PLEKHG3: variants seen among roughly 807,000 people sequenced by gnomAD.
PLEKHG3 encodes the protein pleckstrin homology domain-containing family G member 3.
In PLEKHG3, 62 loss-of-function variants were observed where a neutral mutation model predicts 94.9. The ratio of observed to expected loss-of-function variants is 0.65; its 90% CI spans 0.53 to 0.81. The LOEUF is 0.81. PLEKHG3 is among the 30% of genes least tolerant of loss of function. The probability of loss-of-function intolerance (pLI) is 0.00; values close to 1 mark genes in which losing one functional copy is unlikely to be tolerated. For missense variants in PLEKHG3, 1,461 were observed against 1,619.3 expected (o/e 0.90, Z 1.68); for synonymous variants, 614 against 654.0 (o/e 0.94, Z 0.93).
At position 64,729,609 on chromosome 14, in the gene PLEKHG3, G is replaced by A. The variant is rs567835322; in HGVS notation, c.449+516G>A. ...CCTGCCTGGGACCACAGACTCCCCC[G>A]GGAAAGTGCACTGCTCTGGAGGGGC... On this transcript the variant is annotated intron_variant, in intron 3 of 16. Coordinates refer to ENST00000247226, the MANE Select transcript of PLEKHG3 (RefSeq NM_001308147.2). Among the ~76,000 whole-genome samples the A allele has an allele frequency of 5.3e-5, 8 of 152,248 alleles. 1 individual carries two copies. The highest frequency in any genetic ancestry group is 9.6e-5 in the African/African-American group (4 of 41,550).
At position 64,738,036 on chromosome 14, in the gene PLEKHG3, C is replaced by G. The variant is rs764009180; in HGVS notation, c.1404+661C>G. On this transcript the variant is annotated intron_variant, in intron 14 of 16. Coordinates refer to ENST00000247226, the MANE Select transcript of PLEKHG3 (RefSeq NM_001308147.2). This position sits in a 1 kb window ranked among gnomAD's most constrained non-coding sequence, Gnocchi z 4.8. Reference sequence around the variant, plus strand: ...GGCCTTTCAGGTCTCTCTGGAGGACCTGACAGGGCATGAAGGCAACGAGAA... The same window carrying G: ...GGCCTTTCAGGTCTCTCTGGAGGACGTGACAGGGCATGAAGGCAACGAGAA... 1 of 1,290,806 alleles carries G rather than the reference C, an allele frequency of 7.7e-7. No homozygotes were observed. Among genetic ancestry groups the G allele is most frequent in the Non-Finnish European group, 1.0e-6 (1 of 990,274 alleles). 80.0% of individuals were successfully genotyped at this position (1,290,806 alleles called of 1,614,324 possible). A position where few individuals can be genotyped will look rare whatever the true frequency, so the allele number is the denominator to read the frequency against.
chr14:64,731,836 G>C lies in PLEKHG3; in HGVS notation c.1125+30G>C. ...GGGGAAGGTGGGGCTCAGGGGCTAGGGAACAAGATGCCCAGGGGACACCTG... is the reference window on the plus strand; with the variant it reads ...GGGGAAGGTGGGGCTCAGGGGCTAGCGAACAAGATGCCCAGGGGACACCTG... On this transcript the variant is annotated intron_variant, in intron 9 of 16. Coordinates refer to ENST00000247226, the MANE Select transcript of PLEKHG3 (RefSeq NM_001308147.2). This position sits in a 1 kb window ranked among gnomAD's most constrained non-coding sequence, Gnocchi z 6.1. 2 of 1,492,364 alleles carry C rather than the reference G, an allele frequency of 1.3e-6. No individual in the cohort carries two copies. The highest frequency in any genetic ancestry group is 1.9e-6 in the Non-Finnish European group (2 of 1,070,358). The allele number at this position is 1,492,364 out of a possible 1,614,324, so 92.4% of individuals were successfully genotyped here.
In PLEKHG3 at chr14:64,749,688, T is replaced by G. The variant is rs752647946; in HGVS notation, c.*5985T>G. 1.9e-6 allele frequency: 3 copies of G among 1,613,794 alleles called. No individual in the cohort carries two copies. In the East Asian group the frequency reaches 6.7e-5, roughly 36 times the overall value. On this transcript the variant is annotated 3_prime_UTR_variant, in exon 17 of 17. Coordinates refer to ENST00000247226, the MANE Select transcript of PLEKHG3 (RefSeq NM_001308147.2). This position sits in a 1 kb window ranked among gnomAD's most constrained non-coding sequence, Gnocchi z 4.7. ...GCCATGGAAGAGCCACTCGCTGCCA[T>G]TACTCAGCCTAGGAGGACAAAGGGT...
Position 64,717,270 on chromosome 14 carries a change from C to T in PLEKHG3, c.-39-10323C>T, listed in dbSNP as rs2081184850. On this transcript the variant is annotated intron_variant, in intron 1 of 16. Coordinates refer to ENST00000247226, the MANE Select transcript of PLEKHG3 (RefSeq NM_001308147.2). The surrounding 1 kb of genome is among the most constrained non-coding windows in gnomAD (Gnocchi z 4.7). ...TGTTGGAGCTCTTCTCTTGCTGTAT[C>T]ACCTTCGAAGAAGAGGCGAGGCCTG... Among the ~76,000 whole-genome samples the T allele has an allele frequency of 6.6e-6, 1 of 152,178 alleles. No homozygotes were observed.
In PLEKHG3 at chr14:64,738,814, G is replaced by A; in HGVS notation, c.1477G>A (p.Glu493Lys). ...CAGTGGCCGGTCTCCAACCAGTACT[G>A]AGAAGCGCATGAGCTTCGAGTCCAT... is the stretch of plus-strand genomic sequence containing the variant. ...RPSGRSPTST[E>K]KRMSFESISS... Residue 493 changes from glutamate (E) to lysine (K), a missense_variant, in exon 15 of 17, where the codon GAG becomes AAG. Coordinates refer to ENST00000247226, the MANE Select transcript of PLEKHG3 (RefSeq NM_001308147.2). The surrounding 1 kb of genome is among the most constrained non-coding windows in gnomAD (Gnocchi z 4.8). 2 of 1,598,802 alleles carry A rather than the reference G, an allele frequency of 1.3e-6. No homozygotes were observed. The highest frequency in any genetic ancestry group is 1.7e-5 in the Admixed American group (1 of 58,418).
At position 64,716,438 on chromosome 14, in the gene PLEKHG3, A is replaced by ACG. The variant is rs2081147617; in HGVS notation, c.-39-11154_-39-11153insGC. ...TAGAGAAGGTCATGTAGGGCCCTAC[A>ACG]CACACACACACACACACACACACAC... On this transcript the variant is annotated intron_variant, in intron 1 of 16. Coordinates refer to ENST00000247226, the MANE Select transcript of PLEKHG3 (RefSeq NM_001308147.2). The surrounding 1 kb of genome is among the most constrained non-coding windows in gnomAD (Gnocchi z 5.0). 9.4e-6 allele frequency among the ~76,000 whole-genome samples: 1 copy of ACG among 106,458 alleles called. No homozygotes were observed. Among genetic ancestry groups the ACG allele is most frequent in the Non-Finnish European group, 2.0e-5 (1 of 49,496 alleles). 69.8% of individuals were successfully genotyped at this position (106,458 alleles called of 152,430 possible).
At chr14:64,737,697 CT>C (rs896757119) in intron 14 of PLEKHG3, among the ~76,000 whole-genome samples, 24 of 152,360 alleles carry the variant, frequency 1.6e-4, no homozygotes, top group Admixed American at 1.4e-3. Flanking sequence ...AGGTCCCAGC[CT>C]TTCCACCATG....
Position 64,728,590 on chromosome 14 carries a change from AG to A in PLEKHG3, c.352-405del, listed in dbSNP as rs956353496. ...TGGCTCCCTTCAGAGCCTCTGAGGGAGTAGGCATTCTATGCCTGTCATCCAG... is the reference window on the plus strand; with the variant it reads ...TGGCTCCCTTCAGAGCCTCTGAGGGATAGGCATTCTATGCCTGTCATCCAG... On this transcript the variant is annotated intron_variant, in intron 2 of 16. Transcript: ENST00000247226. The surrounding 1 kb of genome is among the most constrained non-coding windows in gnomAD (Gnocchi z 5.9). Among the ~76,000 whole-genome samples, 2 of 152,212 alleles carry A rather than the reference AG, an allele frequency of 1.3e-5. No homozygotes were observed. Among genetic ancestry groups the A allele is most frequent in the African/African-American group, 4.8e-5 (2 of 41,456 alleles).
At position 64,749,430 on chromosome 14, in the gene PLEKHG3, T is replaced by C. The variant is rs765605676; in HGVS notation, c.*5727T>C. The C allele has an allele frequency of 6.2e-7, 1 of 1,604,650 alleles. No homozygotes were observed. Among genetic ancestry groups the C allele is most frequent in the Non-Finnish European group, 8.5e-7 (1 of 1,179,182 alleles). ...CTTGACGCGGATGCTCTGGGACTCG[T>C]TGATGGCGGTGCTCACGCCCTGCAG... On this transcript the variant is annotated 3_prime_UTR_variant, in exon 17 of 17. Transcript: ENST00000247226. The surrounding 1 kb of genome is among the most constrained non-coding windows in gnomAD (Gnocchi z 4.7).
In PLEKHG3 at chr14:64,735,142, G is replaced by GT. The variant is rs550720717; in HGVS notation, c.1346-1710dup. ...TTAATGCTACAGCATCACTTAGGGT[G>GT]TGTGAACTGCCAGATGCTTGAGGGG... On this transcript the variant is annotated intron_variant, in intron 12 of 16. Transcript: ENST00000247226. Among the ~76,000 whole-genome samples the GT allele has an allele frequency of 1.4e-3, 210 of 152,326 alleles. 1 individual carries two copies. The highest frequency in any genetic ancestry group is 4.9e-3 in the African/African-American group (202 of 41,570).
At chr14:64,705,106 C>A (rs979644064) in intron 1 of PLEKHG3, among the ~76,000 whole-genome samples, 24 of 152,278 alleles carry the variant, frequency 1.6e-4, no homozygotes, top group Middle Eastern at 3.4e-3. Context: ...ACCCGAGCCT[C>A]GGCTCCTGCC....
At position 64,743,465 on chromosome 14, in the gene PLEKHG3, A is replaced by G. The variant is rs762690222; in HGVS notation, c.3422A>G (p.Asn1141Ser). The G allele has an allele frequency of 8.7e-6, 14 of 1,613,076 alleles. No individual in the cohort carries two copies. Among genetic ancestry groups the G allele is most frequent in the Non-Finnish European group, 1.2e-5 (14 of 1,179,996 alleles). ...ACTGCAGACCTCACCCTGGAGGACA[A>G]CCGGCGGGTGATTGTCATGGAGAAG... is the stretch of plus-strand genomic sequence containing the variant. ...YVTADLTLED[N>S]RRVIVMEKGP... The change falls in exon 17 of 17, where the codon AAC becomes AGC. Residue 1141 changes from asparagine to serine, a missense_variant. Asn to Ser is a conservative substitution (Grantham distance 46, BLOSUM62 1). Coordinates refer to ENST00000247226, the MANE Select transcript of PLEKHG3 (RefSeq NM_001308147.2). The surrounding 1 kb of genome is among the most constrained non-coding windows in gnomAD (Gnocchi z 7.2).
rs754505362 is a variant in PLEKHG3, at chr14:64,738,108, C to G, written c.1405-634C>G. The G allele has an allele frequency of 2.3e-6, 3 of 1,301,124 alleles. No individual in the cohort carries two copies. Among genetic ancestry groups the G allele is most frequent in the South Asian group, 2.4e-5 (2 of 81,802 alleles). 80.6% of individuals were successfully genotyped at this position (1,301,124 alleles called of 1,614,324 possible). On this transcript the variant is annotated intron_variant, in intron 14 of 16. Coordinates refer to ENST00000247226, the MANE Select transcript of PLEKHG3 (RefSeq NM_001308147.2). This position sits in a 1 kb window ranked among gnomAD's most constrained non-coding sequence, Gnocchi z 4.8. ...AGGCTCAGAGGAGGAGGAGGAGGAG[C>G]AGGAGGAGAGCCTGGCGGTGGCGGA...
rs1430125916 is a variant in PLEKHG3, at chr14:64,742,181, G to A, written c.2664G>A (p.Val888=). 3 of 1,612,770 alleles carry A rather than the reference G, an allele frequency of 1.9e-6. No individual in the cohort carries two copies. Among genetic ancestry groups the A allele is most frequent in the Non-Finnish European group, 2.5e-6 (3 of 1,180,026 alleles). Residue 888 remains valine (V), a synonymous_variant, in exon 16 of 17, where the codon GTG becomes GTA. Transcript: ENST00000247226. The part of the protein sequence containing the change: ...AHLARELKEL[V]KELSSSTQGE... ...TGGCCCGGGAGCTGAAAGAGCTGGT[G>A]AAGGAGCTGAGCAGCAGTACCCAGG...
chr14:64,750,067 G>A lies in PLEKHG3; in HGVS notation c.*6364G>A. On this transcript the variant is annotated 3_prime_UTR_variant, in exon 17 of 17. Coordinates refer to ENST00000247226, the MANE Select transcript of PLEKHG3 (RefSeq NM_001308147.2). ...TCAGGGCCAGGGGTTCCTCCCCATGGTAGGGCATCCCCAGGGCCAGGTTCT... is the reference window on the plus strand; with the variant it reads ...TCAGGGCCAGGGGTTCCTCCCCATGATAGGGCATCCCCAGGGCCAGGTTCT... 2 of 1,614,182 alleles carry A rather than the reference G, an allele frequency of 1.2e-6. No homozygotes were observed. The highest frequency in any genetic ancestry group is 1.7e-6 in the Non-Finnish European group (2 of 1,180,026).
rs1200295846 is a variant in PLEKHG3, at chr14:64,717,303, G to A, written c.-39-10290G>A. Among the ~76,000 whole-genome samples the A allele has an allele frequency of 2.0e-5, 3 of 152,152 alleles. No homozygotes were observed. Among genetic ancestry groups the A allele is most frequent in the Non-Finnish European group, 4.4e-5 (3 of 68,028 alleles). ...AAGAAGAGGCGAGGCCTGAGGGAGG[G>A]GGAAGGCCAGGGTTGTCTACATAAC... On this transcript the variant is annotated intron_variant, in intron 1 of 16. Transcript: ENST00000247226. The surrounding 1 kb of genome is among the most constrained non-coding windows in gnomAD (Gnocchi z 4.7).
chr14:64,734,813 C>T (rs1245663126), intron 12 of PLEKHG3, among the ~76,000 whole-genome samples: 11 of 151,838 alleles, frequency 7.2e-5, no homozygotes, highest in South Asian at 4.2e-4. Flanking sequence ...CTCTGCCTCC[C>T]GGGTTCAAGT....
rs1281136984 is a variant in PLEKHG3 at position 64,741,254 on chromosome 14, G to A, written c.1737G>A (p.Glu579=). The change falls in exon 16 of 17, where the codon GAG becomes GAA. Residue 579 remains glutamate, a synonymous_variant. Coordinates refer to ENST00000247226, the MANE Select transcript of PLEKHG3 (RefSeq NM_001308147.2). Reference sequence around the variant, plus strand: ...ACCTTAAGGCCCTGAGCAGCGAGGAGGAAGAAGAAATGGGAGGTGCCGCCC... The same window carrying A: ...ACCTTAAGGCCCTGAGCAGCGAGGAAGAAGAAGAAATGGGAGGTGCCGCCC... ...TEDLKALSSE[E]EEEMGGAAQE... The A allele has an allele frequency of 6.2e-7, 1 of 1,613,944 alleles. No individual in the cohort carries two copies. The highest frequency in any genetic ancestry group is 8.5e-7 in the Non-Finnish European group (1 of 1,180,026).
rs912261667 is a variant in PLEKHG3, at chr14:64,749,096, C to A, written c.*5393C>A. The A allele has an allele frequency of 2.0e-5, 10 of 511,434 alleles. No homozygotes were observed. The highest frequency in any genetic ancestry group is 3.0e-5 in the Non-Finnish European group (9 of 296,902). 31.7% of individuals were successfully genotyped at this position (511,434 alleles called of 1,614,324 possible). A position where few individuals can be genotyped will look rare whatever the true frequency, so the allele number is the denominator to read the frequency against. ...GAGCTGGGAGCCCCTGTCCCTGGAG[C>A]GGAGCCAGCGCGGGCGAGGGCATGG... On this transcript the variant is annotated 3_prime_UTR_variant, in exon 17 of 17. Coordinates refer to ENST00000247226, the MANE Select transcript of PLEKHG3 (RefSeq NM_001308147.2). The surrounding 1 kb of genome is among the most constrained non-coding windows in gnomAD (Gnocchi z 4.7).
Sources: allele counts gnomAD v4.1 joint callset (sites outside exome capture counted in the v4.1 genomes callset), GRCh38; gene constraint gnomAD v4.1.1; non-coding constraint Gnocchi (gnomAD v3.1); transcripts MANE v1.5; gene names NCBI Gene and HGNC (gene_info 2026-07-23, HGNC 2026-07-21).